The following CCBE1 variants were observed in gnomAD, a reference collection of about 807,000 sequenced individuals.
CCBE1 encodes collagen and calcium binding EGF domains 1, also known as collagen and calcium-binding EGF domain-containing protein 1.
A neutral mutation model predicts 50.0 loss-of-function variants in CCBE1; 37 were observed. The observed-to-expected ratio is 0.74, with a 90% CI of 0.57 to 0.97. The LOEUF is 0.97. Ranked by LOEUF, CCBE1 falls within the 50% of genes least tolerant of loss-of-function variation. The pLI, the probability that CCBE1 is intolerant of heterozygous loss-of-function variation, is 0.00. For missense variants in CCBE1, 538 were observed against 523.8 expected (o/e 1.03, Z -0.26); for synonymous variants, 234 against 203.7 (o/e 1.15, Z -1.27).
chr18:59,542,411 T>C (rs1245162856), intron 2 of CCBE1, among the ~76,000 whole-genome samples: 1 of 152,142 alleles, frequency 6.6e-6, no homozygotes, highest in Admixed American at 6.5e-5. Flanking sequence ...ATTCTGTTTC[T>C]CAAAGCAAAG....
chr18:59,553,894 C>A (rs1330766226), intron 2 of CCBE1, among the ~76,000 whole-genome samples: 2 of 152,218 alleles, frequency 1.3e-5, no homozygotes, highest in Non-Finnish European at 2.9e-5. Context: ...AAAGCATGGC[C>A]AATAGCTTTC....
chr18:59,612,354 TC>T (rs2053582521), intron 2 of CCBE1, among the ~76,000 whole-genome samples: 1 of 141,184 alleles, frequency 7.1e-6, no homozygotes, highest in Admixed American at 7.0e-5. Context: ...CAAACAATCC[TC>T]CCTCCAGGCA....
rs1000862997 is a variant in CCBE1, at chr18:59,433,215, T to C, written c.*2693A>G. On this transcript the variant is annotated 3_prime_UTR_variant, in exon 11 of 11. Coordinates refer to ENST00000439986, the MANE Select transcript of CCBE1 (RefSeq NM_133459.4). ...CTCCTTTATTCGAAAAGAGGCAGACTGGTTCCTGGGGTTACTGCCCTTCTA... is the reference window on the plus strand; with the variant it reads ...CTCCTTTATTCGAAAAGAGGCAGACCGGTTCCTGGGGTTACTGCCCTTCTA... 5 of 152,150 alleles carry C rather than the reference T, an allele frequency of 3.3e-5. No individual in the cohort carries two copies. Among genetic ancestry groups the C allele is most frequent in the African/African-American group, 9.7e-5 (4 of 41,430 alleles). 9.4% of individuals were successfully genotyped at this position (152,150 alleles called of 1,614,324 possible). A position where few individuals can be genotyped will look rare whatever the true frequency, so the allele number is the denominator to read the frequency against.
intron 2 of CCBE1, among the ~76,000 whole-genome samples, chr18:59,631,908 C>T (rs1425064912): frequency 6.6e-6 from 1 of 152,132 alleles, no homozygotes; most frequent in African/African-American, 2.4e-5. Context: ...ATGCCAAAAA[C>T]CTAGAAAAGT....
chr18:59,554,453 AG>A (rs995513642), intron 2 of CCBE1, among the ~76,000 whole-genome samples: 2 of 152,224 alleles, frequency 1.3e-5, no homozygotes, highest in Non-Finnish European at 2.9e-5. Context: ...ACTTAAAACT[AG>A]ATTATGCAGC....
In CCBE1 at chr18:59,431,364, C is replaced by T. The variant is rs556813935; in HGVS notation, c.*4544G>A. 1.1e-4 allele frequency: 16 copies of T among 152,282 alleles called. No individual in the cohort carries two copies. Among genetic ancestry groups the T allele is most frequent in the African/African-American group, 3.6e-4 (15 of 41,520 alleles). 9.4% of individuals were successfully genotyped at this position (152,282 alleles called of 1,614,324 possible). On this transcript the variant is annotated 3_prime_UTR_variant, in exon 11 of 11. Transcript: ENST00000439986. ...ATTTCCCTGAACTCATTATTAATAA[C>T]TTTAGATGGCTCTATTCTACTTGTT... is the stretch of plus-strand genomic sequence containing the variant.
chr18:59,502,493 G>A (rs1913670260), intron 2 of CCBE1, among the ~76,000 whole-genome samples: 1 of 152,052 alleles, frequency 6.6e-6, no homozygotes, highest in South Asian at 2.1e-4. Flanking sequence ...TTTTAATTAA[G>A]GAGCCGTCAG....
At chr18:59,543,187 C>A (rs2851867) in intron 2 of CCBE1, among the ~76,000 whole-genome samples, 1 of 151,864 alleles carries the variant, frequency 6.6e-6, no homozygotes. Context: ...CCCTTGACTC[C>A]CAGGGGCCTA....
intron 2 of CCBE1, among the ~76,000 whole-genome samples, chr18:59,490,137 C>A (rs1173342943): frequency 6.6e-6 from 1 of 151,964 alleles, no homozygotes; most frequent in Non-Finnish European, 1.5e-5. Flanking sequence ...CAAGTGCCCA[C>A]CATGCCCAGC....
chr18:59,684,295 A>G (rs975578714), intron 2 of CCBE1, among the ~76,000 whole-genome samples: 8 of 152,184 alleles, frequency 5.3e-5, no homozygotes, highest in African/African-American at 1.9e-4. Context: ...CAAAAAATAC[A>G]AAAATTGGCC....
chr18:59,520,656 G>A (rs566067969), intron 2 of CCBE1, among the ~76,000 whole-genome samples: 8 of 152,216 alleles, frequency 5.3e-5, no homozygotes, highest in Non-Finnish European at 8.8e-5. Flanking sequence ...CCTACAGAAG[G>A]CAACAAAGTT....
At chr18:59,538,662 C>T (rs1915346702) in intron 2 of CCBE1, among the ~76,000 whole-genome samples, 4 of 152,098 alleles carry the variant, frequency 2.6e-5, no homozygotes, top group Admixed American at 1.3e-4. Flanking sequence ...AAAAGTGGGC[C>T]ATAAGTTCTA....
chr18:59,452,419 T>C (rs918131412), intron 6 of CCBE1, among the ~76,000 whole-genome samples: 1 of 151,800 alleles, frequency 6.6e-6, no homozygotes, highest in African/African-American at 2.4e-5. Context: ...AGAGAAACCC[T>C]GTCTCCACTA....
intron 2 of CCBE1, among the ~76,000 whole-genome samples, chr18:59,642,886 T>C (rs1432699649): frequency 2.1e-5 from 3 of 146,292 alleles, no homozygotes; most frequent in South Asian, 4.3e-4. Context: ...GAGGCGGAGG[T>C]TGCAGTGAAC....
In CCBE1 at chr18:59,668,818, TC is replaced by T. The variant is rs1264562573; in HGVS notation, c.212+27810del. 2.4e-3 allele frequency among the ~76,000 whole-genome samples: 309 copies of T among 128,906 alleles called. 1 individual carries two copies. Among genetic ancestry groups the T allele is most frequent in the African/African-American group, 9.7e-3 (288 of 29,818 alleles). 84.6% of individuals were successfully genotyped at this position (128,906 alleles called of 152,430 possible). A position where few individuals can be genotyped will look rare whatever the true frequency, so the allele number is the denominator to read the frequency against. On this transcript the variant is annotated intron_variant, in intron 2 of 10. Transcript: ENST00000439986. Reference sequence around the variant, plus strand: ...GTGCTGGATGATGGTTTTCCATAAGTCTTTTTTTTTTTTTTTTTTTTTGTGA... The same window carrying T: ...GTGCTGGATGATGGTTTTCCATAAGTTTTTTTTTTTTTTTTTTTTTTGTGA...
intron 2 of CCBE1, among the ~76,000 whole-genome samples, chr18:59,680,226 A>AG (rs1421863851): frequency 1.2e-4 from 9 of 73,448 alleles, no homozygotes; most frequent in African/African-American, 4.8e-4. Context: ...TTTTCAAAAA[A>AG]GAAAAAAAAA....
At chr18:59,572,700 G>C (rs987030288) in intron 2 of CCBE1, among the ~76,000 whole-genome samples, 2 of 152,130 alleles carry the variant, frequency 1.3e-5, no homozygotes, top group Non-Finnish European at 2.9e-5. Flanking sequence ...AGGGAGGCAG[G>C]GACAGTCTTC....
chr18:59,670,726 T>C (rs1163592011), intron 2 of CCBE1, among the ~76,000 whole-genome samples: 1 of 151,884 alleles, frequency 6.6e-6, no homozygotes, highest in South Asian at 2.1e-4. Context: ...GGCGGGAGGA[T>C]CACCTGAGGT....
chr18:59,528,633 C>A (rs1238969933), intron 2 of CCBE1, among the ~76,000 whole-genome samples: 1 of 152,052 alleles, frequency 6.6e-6, no homozygotes, highest in Non-Finnish European at 1.5e-5. Flanking sequence ...GGCTGCTGAC[C>A]TTTGGATGGG....
Sources: allele counts gnomAD v4.1 joint callset (sites outside exome capture counted in the v4.1 genomes callset), GRCh38; gene constraint gnomAD v4.1.1; transcripts MANE v1.5; gene names NCBI Gene and HGNC (gene_info 2026-07-23, HGNC 2026-07-21).